The following KIAA0753 variants were observed in gnomAD, a reference collection of about 807,000 sequenced individuals.
KIAA0753 encodes KIAA0753.
Under a neutral mutation model 116.9 loss-of-function variants are expected in KIAA0753, and 114 were observed. The ratio of observed to expected loss-of-function variants is 0.98; its 90% CI spans 0.84 to 1.14. The LOEUF is 1.14. Ranked by LOEUF, KIAA0753 falls within the 50% of genes most tolerant of loss-of-function variation. The pLI is 0.00. For synonymous variants in KIAA0753, 405 were observed against 413.1 expected, an observed-to-expected ratio of 0.98 and a Z score of 0.24; for missense variants, 1,156 against 1,172.4, an observed-to-expected ratio of 0.99 and a Z score of 0.20.
chr17:6,620,613 T>C (rs1288426363), intron 7 of KIAA0753, among the ~76,000 whole-genome samples, 175 bp downstream of exon 7: 2 of 152,188 alleles, frequency 1.3e-5, no homozygotes, highest in Non-Finnish European at 1.5e-5. Context: ...CCTTCCTCTA[T>C]AGAATGCCTC....
rs1230939796 is a variant in KIAA0753 at position 6,635,028 on chromosome 17, T to C, written c.76A>G (p.Lys26Glu). Residue 26 changes from lysine (K) to glutamate (E), a missense_variant, in exon 2 of 19, where the codon AAA becomes GAA. Physicochemically the swap from Lys to Glu is moderately conservative, Grantham distance 56 (BLOSUM62 1). Transcript: ENST00000361413. Reference protein sequence around the residue: ...RTQLDGRSDPKVLQTQNQLQF... With the variant: ...RTQLDGRSDPEVLQTQNQLQF... Reference sequence around the variant, plus strand: ...AGAACTACCTGGGTCTGAAGTACTTTGGGGTCGCTCCTCCCATCAAGTTGG... The same window carrying C: ...AGAACTACCTGGGTCTGAAGTACTTCGGGGTCGCTCCTCCCATCAAGTTGG... The C allele has an allele frequency of 3.1e-6, 5 of 1,609,362 alleles. No homozygotes were observed. In the African/African-American group the frequency reaches 5.3e-5, roughly 17 times the overall value.
rs956817424 is a variant in KIAA0753 at position 6,635,006 on chromosome 17, A to T, written c.93+5T>A. 3.1e-5 allele frequency: 48 copies of T among 1,558,590 alleles called. No homozygotes were observed. The highest frequency in any genetic ancestry group is 4.2e-5 in the Non-Finnish European group (47 of 1,129,780). ...AATAAAAATCTCAGGCAAAAATAGA[A>T]CTACCTGGGTCTGAAGTACTTTGGG... On this transcript the variant is annotated splice_donor_5th_base_variant and intron_variant, in intron 2 of 18. Transcript: ENST00000361413.
intron 7 of KIAA0753, among the ~76,000 whole-genome samples, chr17:6,620,219 G>A (rs77992851): frequency 0.021 from 3,179 of 152,170 alleles, 114 homozygotes; most frequent in African/African-American, 0.072. Context: ...CACTGATACT[G>A]GAAAGCTTTT....
intron 6 of KIAA0753, 76 bp from the exon 7 acceptor site, chr17:6,621,074 A>T: frequency 7.5e-7 from 1 of 1,338,818 alleles, no homozygotes; most frequent in Non-Finnish European, 1.0e-6. Context: ...ACTGAAAATA[A>T]GGACTCCAGG....
chr17:6,585,165 T>C (rs1037205657), intron 18 of KIAA0753, among the ~76,000 whole-genome samples: 2 of 152,186 alleles, frequency 1.3e-5, no homozygotes, highest in African/African-American at 4.8e-5. Flanking sequence ...AGGTTAAATT[T>C]TGGAAGTAGG....
chr17:6,631,885 T>TTTTA lies in KIAA0753; in HGVS notation c.93+3122_93+3125dup, dbSNP rs534584397. On this transcript the variant is annotated intron_variant, in intron 2 of 18. Transcript: ENST00000361413. Reference sequence around the variant, plus strand: ...AAAGACAAGTTGAGCCTGGAGTATCTTTTATTTATTTATTTATTTATTTAT... The same window carrying TTTTA: ...AAAGACAAGTTGAGCCTGGAGTATCTTTTATTTATTTATTTATTTATTTATTTAT... Among the ~76,000 whole-genome samples the TTTTA allele has an allele frequency of 1.9e-3, 285 of 152,110 alleles. 1 individual carries two copies. The highest frequency in any genetic ancestry group is 6.0e-3 in the South Asian group (29 of 4,808).
Position 6,615,864 on chromosome 17 carries a change from C to CA in KIAA0753, c.1316-3717dup, listed in dbSNP as rs199720547. Among the ~76,000 whole-genome samples, 1,000 of 152,080 alleles carry CA rather than the reference C, an allele frequency of 6.6e-3. 12 individuals carry two copies. Among genetic ancestry groups the CA allele is most frequent in the African/African-American group, 0.021 (885 of 41,456 alleles). On this transcript the variant is annotated intron_variant, in intron 7 of 18. Transcript: ENST00000361413. ...CAATTTAAGAACAGTTCAGAAGCTGCAAAAAAACTGCACCAGCCAACTATT... is the reference window on the plus strand; with the variant it reads ...CAATTTAAGAACAGTTCAGAAGCTGCAAAAAAAACTGCACCAGCCAACTATT...
Position 6,620,975 on chromosome 17 carries a change from C to A in KIAA0753, c.1128G>T (p.Lys376Asn). The change falls in exon 7 of 19, where the codon AAG becomes AAT. Residue 376 changes from lysine to asparagine, a missense_variant. By Grantham distance (94) the Lys-to-Asn change is moderately conservative. Coordinates refer to ENST00000361413, the MANE Select transcript of KIAA0753 (RefSeq NM_014804.3). ...QIEALESLLEKKLSPKKVKKC... is the reference protein window; with the variant it reads ...QIEALESLLENKLSPKKVKKC... ...TTTTCACCTTTTTTGGTGACAGTTT[C>A]TTTTCCAGGAGAGATTCCAAAGCCT... 2.5e-6 allele frequency: 4 copies of A among 1,613,408 alleles called. No homozygotes were observed. The highest frequency in any genetic ancestry group is 3.4e-6 in the Non-Finnish European group (4 of 1,179,922).
chr17:6,593,426 G>C (rs1170712884), intron 16 of KIAA0753, among the ~76,000 whole-genome samples: 2 of 147,900 alleles, frequency 1.4e-5, no homozygotes, highest in Non-Finnish European at 3.0e-5. Context: ...CCAGCACTTC[G>C]GGAGGCCGGG....
At chr17:6,632,661 A>C (rs1054446587) in intron 2 of KIAA0753, among the ~76,000 whole-genome samples, 1 of 152,252 alleles carries the variant, frequency 6.6e-6, no homozygotes, top group Non-Finnish European at 1.5e-5. Context: ...ATACCACCTT[A>C]ATCAAATGGT....
chr17:6,634,962 T>C, intron 2 of KIAA0753, 49 bp downstream of exon 2: 1 of 1,226,880 alleles, frequency 8.2e-7, no homozygotes. Context: ...TTTCAAATTT[T>C]ATGTTTGAAA....
At chr17:6,591,080 G>T (rs1191110130) in intron 16 of KIAA0753, among the ~76,000 whole-genome samples, 4 of 141,012 alleles carry the variant, frequency 2.8e-5, no homozygotes, top group Non-Finnish European at 6.4e-5. Context: ...AGAAGAAGAA[G>T]AAGAAGAAGA....
intron 14 of KIAA0753, among the ~76,000 whole-genome samples, chr17:6,596,663 C>G (rs1969507315): frequency 1.3e-5 from 2 of 152,336 alleles, no homozygotes; most frequent in South Asian, 4.1e-4. Context: ...TTGCTACATT[C>G]AGGAGAATGT....
rs1390021816 is a variant in KIAA0753 at position 6,596,152 on chromosome 17, C to G, written c.2358+6G>C. 6.2e-7 allele frequency: 1 copy of G among 1,612,330 alleles called. No homozygotes were observed. Among genetic ancestry groups the G allele is most frequent in the South Asian group, 1.1e-5 (1 of 91,006 alleles). On this transcript the variant is annotated splice_donor_region_variant and intron_variant, in intron 15 of 18. Coordinates refer to ENST00000361413, the MANE Select transcript of KIAA0753 (RefSeq NM_014804.3). ...AGCGAACCAGACCCGGAGCCCCAGACCTTACTTCCATCTCTTCCATTCGGC... is the reference window on the plus strand; with the variant it reads ...AGCGAACCAGACCCGGAGCCCCAGAGCTTACTTCCATCTCTTCCATTCGGC...
At chr17:6,608,591 C>T (rs1175097010) in intron 9 of KIAA0753, 127 bp from the exon 10 acceptor site, 5 of 465,036 alleles carry the variant, frequency 1.1e-5, no homozygotes, top group Admixed American at 6.5e-5. Flanking sequence ...CGGGGCCCTA[C>T]AGTAGAAGCT....
chr17:6,584,156 A>AAATCCAACCTCTGTCCTCTG (rs1968398068), intron 18 of KIAA0753, among the ~76,000 whole-genome samples: 1 of 151,718 alleles, frequency 6.6e-6, no homozygotes, highest in Non-Finnish European at 1.5e-5. Context: ...GCAACCCGTG[A>AAATCCAACCTCTGTCCTCTG]ATTCCAGCCT....
chr17:6,610,516 CTTTTTTT>C (rs71157206), intron 8 of KIAA0753, among the ~76,000 whole-genome samples: 1 of 113,460 alleles, frequency 8.8e-6, no homozygotes, highest in East Asian at 2.5e-4. Context: ...TTTTCTTTCT[CTTTTTTT>C]TTTTTTTTTT....
At chr17:6,596,109 C>A in intron 15 of KIAA0753, 49 bp downstream of exon 15, 1 of 1,564,764 alleles carries the variant, frequency 6.4e-7, no homozygotes, top group Non-Finnish European at 8.7e-7. Flanking sequence ...TTGCACTCGG[C>A]AGAGGCCAGC....
chr17:6,609,186 C>T (rs1275189991), intron 9 of KIAA0753, among the ~76,000 whole-genome samples: 1 of 152,204 alleles, frequency 6.6e-6, no homozygotes, highest in African/African-American at 2.4e-5. Flanking sequence ...CCAAGCTGCT[C>T]ACCCTGACTT....
Sources: allele counts gnomAD v4.1 joint callset (sites outside exome capture counted in the v4.1 genomes callset), GRCh38; gene constraint gnomAD v4.1.1; transcripts MANE v1.5; gene names NCBI Gene and HGNC (gene_info 2026-07-23, HGNC 2026-07-21).